Variants in PRSS23 observed in about 807,000 individuals in gnomAD.
The protein encoded by PRSS23 is serine protease 23.
A neutral mutation model predicts 34.7 loss-of-function variants in PRSS23; 25 were observed. The observed-to-expected ratio is 0.72, with a 90% confidence interval of 0.53 to 1.01. PRSS23 has a LOEUF of 1.01. Among genes scored for constraint, PRSS23 ranks in the 50% least tolerant of loss-of-function variants. The probability of loss-of-function intolerance (pLI) is 0.00; values close to 1 mark genes in which losing one functional copy is unlikely to be tolerated. For synonymous variants in PRSS23, 176 were observed against 186.6 expected (o/e 0.94, Z 0.46); for missense variants, 445 against 475.6 (o/e 0.94, Z 0.60).
intron 2 of PRSS23, among the ~76,000 whole-genome samples, chr11:86,888,991 A>G (rs897803079): frequency 1.2e-4 from 19 of 152,180 alleles, no homozygotes; most frequent in Non-Finnish European, 2.4e-4. Context: ...GCACAAATGC[A>G]CCTTATAGAG....
At chr11:86,904,622 C>T (rs1169077259) in intron 2 of PRSS23, among the ~76,000 whole-genome samples, 1 of 152,108 alleles carries the variant, frequency 6.6e-6, no homozygotes, top group East Asian at 1.9e-4. Flanking sequence ...TATAAATGTT[C>T]AATAGTCAAT....
intron 2 of PRSS23, among the ~76,000 whole-genome samples, chr11:86,925,391 T>A (rs1949074757): frequency 6.6e-6 from 1 of 152,040 alleles, no homozygotes; most frequent in South Asian, 2.1e-4. Flanking sequence ...TCTCATTGGC[T>A]GACAAGCTTT....
At chr11:86,878,199 T>C (rs2134956183) in intron 2 of PRSS23, among the ~76,000 whole-genome samples, 1 of 138,288 alleles carries the variant, frequency 7.2e-6, no homozygotes, top group Admixed American at 7.3e-5. Flanking sequence ...GAAAAAAATT[T>C]GGATTTCTCC....
chr11:86,850,674 T>C (rs568921004), intron 2 of PRSS23, among the ~76,000 whole-genome samples: 51 of 152,300 alleles, frequency 3.3e-4, no homozygotes, highest in African/African-American at 1.2e-3. Flanking sequence ...CTAAAAGGAA[T>C]GTTAACTGCC....
chr11:86,944,543 T>C (rs1425718471), intron 2 of PRSS23, among the ~76,000 whole-genome samples: 1 of 152,178 alleles, frequency 6.6e-6, no homozygotes, highest in Non-Finnish European at 1.5e-5. Flanking sequence ...GCCCTCGCCC[T>C]CTCTACGTCT....
At chr11:86,943,672 TAG>T (rs1189154952) in intron 2 of PRSS23, among the ~76,000 whole-genome samples, 1 of 151,992 alleles carries the variant, frequency 6.6e-6, no homozygotes, top group Admixed American at 6.5e-5. Flanking sequence ...ATCAGAGGGA[TAG>T]AGTCTGTATT....
chr11:86,927,641 C>T (rs895588126), intron 2 of PRSS23, among the ~76,000 whole-genome samples: 6 of 152,132 alleles, frequency 3.9e-5, no homozygotes, highest in African/African-American at 1.4e-4. Context: ...GCCACTGTGC[C>T]CGGCCTTACC....
Position 86,832,591 on chromosome 11 carries a change from G to A in PRSS23, c.206+8998G>A. 3 of 489,758 alleles carry A rather than the reference G, an allele frequency of 6.1e-6. No homozygotes were observed. The East Asian group carries it at 1.7e-4, about 28-fold the overall frequency. 30.3% of individuals were successfully genotyped at this position (489,758 alleles called of 1,614,324 possible). On this transcript the variant is annotated intron_variant, in intron 2 of 2. Transcript: ENST00000533902. ...TGTCCCTGTTTCTCAGTCTGTAGAT[G>A]AAGGGGTTCAGCATGGGGGTGATCA...
At chr11:86,931,168 ACTGT>A (rs1949123394) in intron 2 of PRSS23, among the ~76,000 whole-genome samples, 1 of 152,152 alleles carries the variant, frequency 6.6e-6, no homozygotes, top group Admixed American at 6.5e-5. Context: ...ACTTTGGAAA[ACTGT>A]CTGGCAGTTT....
chr11:86,881,824 A>C (rs1948774037), intron 2 of PRSS23, among the ~76,000 whole-genome samples: 1 of 152,184 alleles, frequency 6.6e-6, no homozygotes, highest in Non-Finnish European at 1.5e-5. Flanking sequence ...CAAATTCATT[A>C]GTGTGTGTCT....
In PRSS23 at chr11:86,901,075, A is replaced by G. The variant is rs988317946; in HGVS notation, c.207-50141A>G. Among the ~76,000 whole-genome samples, 33 of 152,060 alleles carry G rather than the reference A, an allele frequency of 2.2e-4. 1 individual carries two copies. The highest frequency in any genetic ancestry group is 7.2e-4 in the African/African-American group (30 of 41,436). On this transcript the variant is annotated intron_variant, in intron 2 of 2. Coordinates refer to the PRSS23 transcript ENST00000533902. ...GCTGGGATTACAGGCATGAGCAACC[A>G]TACCCGGCTTATCATCTCTTTCTTA...
chr11:86,872,444 T>G (rs1311336049), intron 2 of PRSS23, among the ~76,000 whole-genome samples: 1 of 152,210 alleles, frequency 6.6e-6, no homozygotes, highest in Non-Finnish European at 1.5e-5. Context: ...TTCTCTTATT[T>G]GGGTTATTTA....
At chr11:86,939,138 G>GTTTCCATGTCACT in intron 2 of PRSS23, 2 of 385,330 alleles carry the variant, frequency 5.2e-6, no homozygotes, top group Non-Finnish European at 1.0e-5. Context: ...TAAGGGAAAC[G>GTTTCCATGTCACT]TTTCCATGTC....
At chr11:86,876,271 G>T (rs779289763) in intron 2 of PRSS23, among the ~76,000 whole-genome samples, 6 of 152,154 alleles carry the variant, frequency 3.9e-5, no homozygotes, top group Non-Finnish European at 7.4e-5. Flanking sequence ...ACACAGGGAT[G>T]ATCAAGGCAC....
downstream of PRSS23, among the ~76,000 whole-genome samples, chr11:86,811,901 G>T (rs1308074356): frequency 2.0e-5 from 3 of 152,168 alleles, no homozygotes; most frequent in African/African-American, 7.2e-5. Flanking sequence ...GAGGAATTCT[G>T]ACAGTGATCC....
chr11:86,951,063 T>C, intron 2 of PRSS23: 1 of 1,490,408 alleles, frequency 6.7e-7, no homozygotes, highest in Non-Finnish European at 9.4e-7. Flanking sequence ...ATTCACTGCA[T>C]AAAACTTTTA....
intron 2 of PRSS23, among the ~76,000 whole-genome samples, chr11:86,853,786 AT>A (rs1948548656): frequency 6.6e-6 from 1 of 151,858 alleles, no homozygotes; most frequent in South Asian, 2.1e-4. Flanking sequence ...TCTGTTTTTC[AT>A]TTTTCAAATA....
At chr11:86,879,466 G>T (rs924506271) in intron 2 of PRSS23, among the ~76,000 whole-genome samples, 5 of 144,878 alleles carry the variant, frequency 3.5e-5, no homozygotes, top group Non-Finnish European at 7.6e-5. Context: ...GTCAGCCCCC[G>T]CCAGGCCAGC....
In PRSS23 at chr11:86,914,532, G is replaced by A. The variant is rs577055600; in HGVS notation, c.207-36684G>A. Among the ~76,000 whole-genome samples, 6 of 152,196 alleles carry A rather than the reference G, an allele frequency of 3.9e-5. No homozygotes were observed. The East Asian group carries it at 5.8e-4, about 15-fold the overall frequency. On this transcript the variant is annotated intron_variant, in intron 2 of 2. Transcript: ENST00000533902. ...TAAAATTTCTACAAATTTCATAATCGTGTATCACACAATTTTCAAAAAATG... is the reference window on the plus strand; with the variant it reads ...TAAAATTTCTACAAATTTCATAATCATGTATCACACAATTTTCAAAAAATG...
Sources: gnomAD v4.1 joint callset for allele counts (sites outside exome capture counted in the v4.1 genomes callset) on GRCh38, gnomAD v4.1.1 for gene constraint, MANE v1.5 for transcripts, NCBI Gene and HGNC (gene_info 2026-07-23, HGNC 2026-07-21) for gene names.